ACCS: variants seen among roughly 807,000 people sequenced by gnomAD.
The protein encoded by ACCS is 1-aminocyclopropane-1-carboxylate synthase-like protein 1.
Under a neutral mutation model 59.8 loss-of-function variants are expected in ACCS, and 42 were observed. The ratio of observed to expected loss-of-function variants is 0.70; its 90% CI spans 0.55 to 0.91. ACCS has a LOEUF of 0.91. ACCS is among the 40% of genes least tolerant of loss of function. The pLI is 0.00. For synonymous variants in ACCS, 230 were observed against 240.3 expected (o/e 0.96, Z 0.40); for missense variants, 602 against 630.4 (o/e 0.95, Z 0.48).
Position 44,081,210 on chromosome 11 carries a change from C to T in ACCS, c.1001C>T (p.Thr334Met), listed in dbSNP as rs570831050. 50 of 1,614,234 alleles carry T rather than the reference C, an allele frequency of 3.1e-5. No homozygotes were observed. The highest frequency in any genetic ancestry group is 1.6e-4 in the South Asian group (15 of 91,092). ...DFGMSGLRFG[T>M]LYTENQDVAT... ...GGGATGTCTGGGCTCCGCTTTGGCA[C>T]GCTGTACACAGAAAACCAGGATGTG... Residue 334 changes from threonine to methionine, a missense_variant, in exon 12 of 15, where the codon ACG becomes ATG. By Grantham distance (81) the Thr-to-Met change is moderately conservative. Transcript: ENST00000263776.
chr11:44,077,489 G>C (rs1953431095), intron 7 of ACCS, 113 bp downstream of exon 7: 3 of 1,526,834 alleles, frequency 2.0e-6, no homozygotes, highest in Non-Finnish European at 2.6e-6. Context: ...GATGAGTAGG[G>C]AATGGAGCCT....
chr11:44,075,303 C>T (rs376342275), intron 5 of ACCS, among the ~76,000 whole-genome samples: 3 of 152,212 alleles, frequency 2.0e-5, no homozygotes, highest in African/African-American at 4.8e-5. Flanking sequence ...CACCTTCAGG[C>T]GAGACCCTCT....
At chr11:44,067,511 T>C in intron 1 of ACCS, 117 bp from the exon 2 acceptor site, 1 of 1,113,108 alleles carries the variant, frequency 9.0e-7, no homozygotes, top group Non-Finnish European at 1.3e-6. Flanking sequence ...GATGAGTGCA[T>C]AAACCTAAAG....
chr11:44,083,621 A>T, intron 14 of ACCS, 44 bp downstream of exon 14: 2 of 1,614,104 alleles, frequency 1.2e-6, no homozygotes, highest in Non-Finnish European at 1.7e-6. Flanking sequence ...TGCAGCCTTC[A>T]CTGTGGCCTC....
In ACCS at chr11:44,075,730, G is replaced by A; in HGVS notation, c.556+138G>A. ...ACTAGACTGCAGGGGGCTTGAATAA[G>A]TGGCTTGACAAAGCACCCGGGGGTC... On this transcript the variant is annotated intron_variant, in intron 6 of 14. Coordinates refer to ENST00000263776, the MANE Select transcript of ACCS (RefSeq NM_032592.4). 4 of 1,075,448 alleles carry A rather than the reference G, an allele frequency of 3.7e-6. No homozygotes were observed. In the Admixed American group the frequency reaches 8.0e-5, roughly 22 times the overall value. 66.6% of individuals were successfully genotyped at this position (1,075,448 alleles called of 1,614,324 possible). A position where few individuals can be genotyped will look rare whatever the true frequency, so the allele number is the denominator to read the frequency against.
At chr11:44,081,399 T>C in intron 12 of ACCS, 79 bp downstream of exon 12, 2 of 1,564,674 alleles carry the variant, frequency 1.3e-6, no homozygotes, top group East Asian at 2.3e-5. Context: ...TCATAGATAC[T>C]TCTCCTATGA....
intron 9 of ACCS, chr11:44,079,090 T>C (rs752939343): frequency 5.0e-5 from 21 of 417,246 alleles, no homozygotes; most frequent in South Asian, 3.7e-4. Context: ...CAACCCTTTA[T>C]GTGCCTCATA....
At chr11:44,070,948 G>C (rs1231584266) in intron 2 of ACCS, among the ~76,000 whole-genome samples, 1 of 152,178 alleles carries the variant, frequency 6.6e-6, no homozygotes, top group Non-Finnish European at 1.5e-5. Context: ...ACCTGGGGTG[G>C]AAACTGACCA....
At chr11:44,069,683 CCTT>C (rs1952959785) in intron 2 of ACCS, among the ~76,000 whole-genome samples, 1 of 152,216 alleles carries the variant, frequency 6.6e-6, no homozygotes, top group Admixed American at 6.5e-5. Context: ...AGGCTTCAGT[CCTT>C]CTCCACGTGG....
intron 9 of ACCS, 101 bp from the exon 10 acceptor site, chr11:44,079,430 A>G: frequency 2.1e-6 from 2 of 947,068 alleles, no homozygotes. Context: ...CCCGGGCTAG[A>G]CCCCGGCCCC....
In ACCS at chr11:44,071,332, C is replaced by G. The variant is rs750745642; in HGVS notation, c.348+17C>G. 9.9e-6 allele frequency: 16 copies of G among 1,612,876 alleles called. No individual in the cohort carries two copies. Among genetic ancestry groups the G allele is most frequent in the Admixed American group, 6.7e-5 (4 of 59,984 alleles). On this transcript the variant is annotated intron_variant, in intron 3 of 14. Transcript: ENST00000263776. The stretch of plus-strand genomic sequence containing the variant: ...TCCTGGCGGGTAAGTCCTAGGGCCC[C>G]TCTAGGGGGCATCACCAGCTCCGAG...
intron 12 of ACCS, among the ~76,000 whole-genome samples, chr11:44,082,816 A>G (rs1026399664): frequency 4.6e-5 from 7 of 152,172 alleles, no homozygotes; most frequent in Non-Finnish European, 8.8e-5. Flanking sequence ...GTCATTGGCC[A>G]CACTGGGATC....
At chr11:44,079,045 A>T (rs1953512868) in intron 9 of ACCS, 1 of 470,470 alleles carries the variant, frequency 2.1e-6, no homozygotes. Flanking sequence ...GCCTCATACA[A>T]TCCTCACAAC....
chr11:44,074,617 G>C lies in ACCS; in HGVS notation c.425G>C (p.Arg142Pro), dbSNP rs369870597. 6.2e-7 allele frequency: 1 copy of C among 1,613,458 alleles called. No homozygotes were observed. The highest frequency in any genetic ancestry group is 8.5e-7 in the Non-Finnish European group (1 of 1,179,726). The change falls in exon 5 of 15, where the codon CGG (arginine) becomes CCG (proline). Residue 142 changes from arginine to proline, a missense_variant. Physicochemically the swap from Arg to Pro is moderately radical, Grantham distance 103 (BLOSUM62 -2). Coordinates refer to ENST00000263776, the MANE Select transcript of ACCS (RefSeq NM_032592.4). ...TCTTTTTGTCTTATCTTCAGCCTCCGGGAGGAAGTGGCCAAGTTCCTGTCT... is the reference window on the plus strand; with the variant it reads ...TCTTTTTGTCTTATCTTCAGCCTCCCGGAGGAAGTGGCCAAGTTCCTGTCT... ...YADWRGHLFL[R>P]EEVAKFLSFY...
chr11:44,079,380 GAAGA>G (rs1287920458), intron 9 of ACCS, 147 bp from the exon 10 acceptor site: 21 of 620,520 alleles, frequency 3.4e-5, no homozygotes, highest in African/African-American at 5.5e-5. Flanking sequence ...GAAAAAAACA[GAAGA>G]AAGAATGGTG....
intron 10 of ACCS, chr11:44,080,574 T>TCGG: frequency 1.6e-5 from 3 of 189,516 alleles, no homozygotes; most frequent in South Asian, 1.1e-4. Context: ...TGTGTAGAAC[T>TCGG]TTAATTTCTA....
chr11:44,072,174 T>TTA (rs1300929261), intron 3 of ACCS: 2 of 152,036 alleles, frequency 1.3e-5, no homozygotes, highest in Admixed American at 6.6e-5. Flanking sequence ...ATTTATTTAT[T>TTA]TAAGATGGAG....
At chr11:44,079,324 T>A in intron 9 of ACCS, 1 of 548,650 alleles carries the variant, frequency 1.8e-6, no homozygotes. Flanking sequence ...CTGCAGTGCT[T>A]CAAAAGCTCC....
At chr11:44,082,616 A>G (rs1953690949) in intron 12 of ACCS, among the ~76,000 whole-genome samples, 1 of 152,214 alleles carries the variant, frequency 6.6e-6, no homozygotes, top group Non-Finnish European at 1.5e-5. Context: ...TTATAGTCAC[A>G]TCAGAGATGT....
Sources: gnomAD v4.1 joint callset for allele counts (sites outside exome capture counted in the v4.1 genomes callset) on GRCh38, gnomAD v4.1.1 for gene constraint, MANE v1.5 for transcripts, NCBI Gene and HGNC (gene_info 2026-07-23, HGNC 2026-07-21) for gene names.